The following ZAP70 variants were observed in gnomAD, a reference collection of about 807,000 sequenced individuals.
ZAP70 encodes zeta chain of T cell receptor associated protein kinase 70.
A neutral mutation model predicts 65.8 loss-of-function variants in ZAP70; 27 were observed. The observed-to-expected ratio is 0.41, with a 90% CI of 0.30 to 0.57. ZAP70 has a LOEUF of 0.57. Ranked by LOEUF, ZAP70 falls within the 20% of genes least tolerant of loss-of-function variation. ZAP70 has a pLI of 0.28. For synonymous variants in ZAP70, 363 were observed against 360.8 expected (o/e 1.01, Z -0.07); for missense variants, 696 against 870.5 (o/e 0.80, Z 2.52).
chr2:97,750,144 C>G, the ZAP70 span, among the ~76,000 whole-genome samples: 2 of 152,206 alleles, frequency 1.3e-5, no homozygotes, highest in African/African-American at 2.4e-5. Context: ...ATGGCAGAGC[C>G]AGGACTGGAA....
In ZAP70 at chr2:97,737,207, C is replaced by T. The variant is rs190254013; in HGVS notation, c.1290-266C>T. Among the ~76,000 whole-genome samples, 255 of 152,080 alleles carry T rather than the reference C, an allele frequency of 1.7e-3. 5 individuals are homozygous for T. The East Asian group carries it at 0.032, about 19-fold the overall frequency. On this transcript the variant is annotated intron_variant, in intron 10 of 13. Coordinates refer to ENST00000264972, the MANE Select transcript of ZAP70 (RefSeq NM_001079.4). The surrounding 1 kb of genome is among the most constrained non-coding windows in gnomAD (Gnocchi z 5.0). ...AGATGCCTGTGAGACCTCAGCACGT[C>T]GAGGGTGCAGGCATAGGTCTAGACT...
chr2:97,716,982 T>A (rs1676942770), intron 2 of ZAP70, among the ~76,000 whole-genome samples: 1 of 152,164 alleles, frequency 6.6e-6, no homozygotes, highest in South Asian at 2.1e-4. Context: ...CACGATTCCA[T>A]GATTTGAATC....
intron 2 of ZAP70, among the ~76,000 whole-genome samples, chr2:97,717,397 A>G (rs1191037621): frequency 7.7e-6 from 1 of 130,120 alleles, no homozygotes; most frequent in African/African-American, 3.3e-5. Flanking sequence ...GGCTGGGGGG[A>G]CATGCGGAGC....
downstream of ZAP70, among the ~76,000 whole-genome samples, chr2:97,740,086 T>A (rs1321569455): frequency 6.6e-6 from 1 of 151,882 alleles, no homozygotes; most frequent in Non-Finnish European, 1.5e-5. Context: ...AAGGGCTGCG[T>A]GCCTGGCTGA....
At chr2:97,752,304 A>G in the ZAP70 span, among the ~76,000 whole-genome samples, 2 of 152,230 alleles carry the variant, frequency 1.3e-5, no homozygotes, top group Non-Finnish European at 2.9e-5. Context: ...CAATACCTCT[A>G]AAATTACCTG....
chr2:97,749,004 CT>C, the ZAP70 span, among the ~76,000 whole-genome samples: 3,609 of 115,022 alleles, frequency 0.031, 64 homozygotes, highest in African/African-American at 0.11. Context: ...TGACACTTCC[CT>C]TTTTTTTTTT....
chr2:97,749,293 G>C, the ZAP70 span, among the ~76,000 whole-genome samples: 2 of 152,212 alleles, frequency 1.3e-5, no homozygotes, highest in Non-Finnish European at 2.9e-5. Context: ...GCAGGCATGA[G>C]GCACCGCGCC....
the ZAP70 span, among the ~76,000 whole-genome samples, chr2:97,754,045 G>GTAA: frequency 6.6e-6 from 1 of 152,146 alleles, no homozygotes; most frequent in Non-Finnish European, 1.5e-5. Context: ...TATACAACCT[G>GTAA]TAATTTTAAA....
chr2:97,742,945 T>C (rs1165354344), downstream of ZAP70, among the ~76,000 whole-genome samples: 2 of 152,212 alleles, frequency 1.3e-5, no homozygotes, highest in Non-Finnish European at 2.9e-5. Context: ...TTAATTCATG[T>C]TCTAGAGGAC....
intron 13 of ZAP70, among the ~76,000 whole-genome samples, chr2:97,738,870 C>G (rs1298479235): frequency 6.6e-6 from 1 of 152,054 alleles, no homozygotes; most frequent in Non-Finnish European, 1.5e-5. Context: ...CACCTAGCAC[C>G]CCAACACAGT....
chr2:97,739,579 C>G lies in ZAP70; in HGVS notation c.*81C>G, dbSNP rs1375380266. 3.2e-6 allele frequency: 5 copies of G among 1,540,464 alleles called. No homozygotes were observed. Among genetic ancestry groups the G allele is most frequent in the South Asian group, 2.4e-5 (2 of 83,544 alleles). On this transcript the variant is annotated 3_prime_UTR_variant, in exon 14 of 14. Coordinates refer to ENST00000264972, the MANE Select transcript of ZAP70 (RefSeq NM_001079.4). ...CCCCAGGTCCTGCAGTCTGGCTGAG[C>G]CCTGCTTGGTTGTCTCCACACACAG...
chr2:97,720,249 A>G, intron 2 of ZAP70, among the ~76,000 whole-genome samples: 1 of 151,796 alleles, frequency 6.6e-6, no homozygotes, highest in Non-Finnish European at 1.5e-5. Flanking sequence ...TTGTTTTGAG[A>G]TGGAGTTTTG....
Position 97,738,358 on chromosome 2 carries a change from C to T in ZAP70, c.1736+251C>T, listed in dbSNP as rs1677997417. 5.3e-6 allele frequency: 3 copies of T among 563,368 alleles called. No homozygotes were observed. The Admixed American group carries it at 8.8e-5, about 17-fold the overall frequency. The allele number at this position is 563,368 out of a possible 1,614,324, so 34.9% of individuals were successfully genotyped here. On this transcript the variant is annotated intron_variant, in intron 13 of 13. Transcript: ENST00000264972. Reference sequence around the variant, plus strand: ...TGTGCCTCAGCATCTAAAACCTCAGCCATCACTCAACACATGGACCCTGCA... The same window carrying T: ...TGTGCCTCAGCATCTAAAACCTCAGTCATCACTCAACACATGGACCCTGCA...
Position 97,734,624 on chromosome 2 carries a change from C to A in ZAP70, c.994C>A (p.Leu332Met). ...PEELKDKKLF[L>M]KRDNLLIADI... Reference sequence around the variant, plus strand: ...GGAGCTCAAGGACAAGAAGCTCTTCCTGAAGCGCGATAACCTCCTCATAGC... The same window carrying A: ...GGAGCTCAAGGACAAGAAGCTCTTCATGAAGCGCGATAACCTCCTCATAGC... The change falls in exon 9 of 14, where the codon CTG becomes ATG. Residue 332 changes from leucine to methionine, a missense_variant. Leu to Met is a conservative substitution (Grantham distance 15). Coordinates refer to ENST00000264972, the MANE Select transcript of ZAP70 (RefSeq NM_001079.4). 1 of 1,614,246 alleles carries A rather than the reference C, an allele frequency of 6.2e-7. No individual in the cohort carries two copies. Among genetic ancestry groups the A allele is most frequent in the South Asian group, 1.1e-5 (1 of 91,086 alleles).
chr2:97,725,186 G>A lies in ZAP70; in HGVS notation c.497G>A (p.Ser166Asn). The A allele has an allele frequency of 6.2e-7, 1 of 1,614,216 alleles. No individual in the cohort carries two copies. Among genetic ancestry groups the A allele is most frequent in the South Asian group, 1.1e-5 (1 of 91,090 alleles). Reference protein sequence around the residue: ...TAHERMPWYHSSLTREEAERK... With the variant: ...TAHERMPWYHNSLTREEAERK... The stretch of plus-strand genomic sequence containing the variant: ...CACGAGCGGATGCCCTGGTACCACA[G>A]CAGCCTGACGCGTGAGGAGGCCGAG... The change falls in exon 4 of 14, where the codon AGC (serine) becomes AAC (asparagine). Residue 166 changes from serine (S) to asparagine (N), a missense_variant. Physicochemically the swap from Ser to Asn is conservative, Grantham distance 46 (BLOSUM62 1). Coordinates refer to ENST00000264972, the MANE Select transcript of ZAP70 (RefSeq NM_001079.4).
Position 97,724,375 on chromosome 2 carries a change from G to T in ZAP70, c.339G>T (p.Gly113=). The change falls in exon 3 of 14, where the codon GGG becomes GGT. Residue 113 remains glycine (G), a synonymous_variant. Coordinates refer to ENST00000264972, the MANE Select transcript of ZAP70 (RefSeq NM_001079.4). ...NRPSGLEPQP[G]VFDCLRDAMV... is the part of the protein sequence containing the mutation. ...CGTCGGGCCTCGAGCCGCAGCCGGG[G>T]GTCTTCGACTGCCTGCGAGACGCCA... is the stretch of plus-strand genomic sequence containing the variant. 1.3e-6 allele frequency: 2 copies of T among 1,542,586 alleles called. No individual in the cohort carries two copies. The highest frequency in any genetic ancestry group is 8.7e-7 in the Non-Finnish European group (1 of 1,144,474).
At chr2:97,722,050 TG>T (rs1247047305) in intron 2 of ZAP70, among the ~76,000 whole-genome samples, 1 of 152,026 alleles carries the variant, frequency 6.6e-6, no homozygotes, top group African/African-American at 2.4e-5. Context: ...CCCAAAGTGC[TG>T]GGATTACAGG....
rs1384685799 is a variant in ZAP70, at chr2:97,733,538, C to A, written c.838-6C>A. 2.5e-6 allele frequency: 4 copies of A among 1,613,538 alleles called. No individual in the cohort carries two copies. In the African/African-American group the frequency reaches 5.3e-5, roughly 22 times the overall value. On this transcript the variant is annotated splice_polypyrimidine_tract_variant and splice_region_variant and intron_variant, in intron 7 of 13. Coordinates refer to ENST00000264972, the MANE Select transcript of ZAP70 (RefSeq NM_001079.4). ...GCTCAGGCCTTGCTGACCCTGTGGC[C>A]TTTAGCCTCAGAGACGAATCGACAC... is the stretch of plus-strand genomic sequence containing the variant.
chr2:97,721,352 TAC>T (rs1470213320), intron 2 of ZAP70, among the ~76,000 whole-genome samples: 1 of 152,198 alleles, frequency 6.6e-6, no homozygotes, highest in African/African-American at 2.4e-5. Context: ...AATCACTCGA[TAC>T]ACATTTTCCC....
Sources: allele counts gnomAD v4.1 joint callset (sites outside exome capture counted in the v4.1 genomes callset), GRCh38; gene constraint gnomAD v4.1.1; non-coding constraint Gnocchi (gnomAD v3.1); transcripts MANE v1.5; gene names NCBI Gene and HGNC (gene_info 2026-07-23, HGNC 2026-07-21).